The following EML6 variants were observed in gnomAD, a reference collection of about 807,000 sequenced individuals.
EML6 encodes the protein EMAP like 6.
A neutral mutation model predicts 240.1 loss-of-function variants in EML6; 154 were observed. The observed-to-expected ratio is 0.64, with a 90% CI of 0.56 to 0.73. The LOEUF is 0.73. Ranked by LOEUF, EML6 falls within the 30% of genes least tolerant of loss-of-function variation. EML6 has a pLI of 0.00. For synonymous variants in EML6, 1,148 were observed against 899.0 expected (o/e 1.28, Z -4.95); for missense variants, 2,964 against 2,474.6 (o/e 1.20, Z -4.20).
chr2:54,836,738 C>G (rs1041104237), intron 7 of EML6, among the ~76,000 whole-genome samples: 5 of 152,190 alleles, frequency 3.3e-5, no homozygotes, highest in African/African-American at 7.2e-5. Context: ...TGGTTGCATG[C>G]TTTGCTGTCA....
At chr2:54,957,372 A>AT (rs1291419204) in intron 32 of EML6, among the ~76,000 whole-genome samples, 6 of 134,230 alleles carry the variant, frequency 4.5e-5, no homozygotes, top group Admixed American at 7.4e-5. Context: ...AAAAAAAAAA[A>AT]GCTCTCTAGA....
intron 2 of EML6, among the ~76,000 whole-genome samples, chr2:54,798,257 C>T (rs1669927832): frequency 6.6e-6 from 1 of 152,182 alleles, no homozygotes; most frequent in African/African-American, 2.4e-5. Flanking sequence ...ACTGCAACCT[C>T]TGCCTCCCGG....
intron 34 of EML6, among the ~76,000 whole-genome samples, chr2:54,959,478 T>C (rs972974333): frequency 1.3e-5 from 2 of 152,166 alleles, no homozygotes; most frequent in African/African-American, 4.8e-5. Context: ...TTTAAAAACC[T>C]GAGAGAGGCA....
chr2:54,853,071 T>TG, intron 10 of EML6, among the ~76,000 whole-genome samples: 1 of 152,332 alleles, frequency 6.6e-6, no homozygotes, highest in Non-Finnish European at 1.5e-5. Flanking sequence ...TAATATTCAC[T>TG]AATTTTTTTT....
At position 54,944,011 on chromosome 2, in the gene EML6, T is replaced by C. The variant is rs541727880; in HGVS notation, c.4005-4871T>C. ...TCTTGGCCCTTCTGGTGCCTCCCTC[T>C]CTCTTCTCAGTGTCTCACCTCTGCT... On this transcript the variant is annotated intron_variant, in intron 28 of 41. Coordinates refer to ENST00000356458, the MANE Select transcript of EML6 (RefSeq NM_001039753.4). Among the ~76,000 whole-genome samples, 4 of 152,248 alleles carry C rather than the reference T, an allele frequency of 2.6e-5. No individual in the cohort carries two copies. In the South Asian group the frequency reaches 8.3e-4, roughly 32 times the overall value.
intron 21 of EML6, among the ~76,000 whole-genome samples, chr2:54,897,010 C>G (rs1275376762): frequency 6.6e-6 from 1 of 152,158 alleles, no homozygotes; most frequent in Non-Finnish European, 1.5e-5. Flanking sequence ...TCCAGCTGTT[C>G]TTGCTTTTGT....
intron 12 of EML6, among the ~76,000 whole-genome samples, chr2:54,862,043 C>G (rs928317379): frequency 6.6e-6 from 1 of 151,930 alleles, no homozygotes; most frequent in African/African-American, 2.4e-5. Flanking sequence ...GAAATACTTT[C>G]TCTGAGGATT....
intron 7 of EML6, among the ~76,000 whole-genome samples, chr2:54,838,222 C>T (rs1036068496): frequency 1.3e-5 from 2 of 152,232 alleles, no homozygotes; most frequent in African/African-American, 2.4e-5. Flanking sequence ...ACCACACATA[C>T]AGCAAGTTGT....
chr2:54,797,166 A>AAAAAAAAAAAAAAAACAAAAAAC (rs1558556878), intron 2 of EML6, among the ~76,000 whole-genome samples: 9 of 100,400 alleles, frequency 9.0e-5, no homozygotes, highest in Non-Finnish European at 2.1e-4. Context: ...CTCCATCTCA[A>AAAAAAAAAAAAAAAACAAAAAAC]AAAAAAAAAA....
intron 2 of EML6, among the ~76,000 whole-genome samples, chr2:54,741,640 C>G (rs1285733125): frequency 6.6e-6 from 1 of 152,132 alleles, no homozygotes; most frequent in African/African-American, 2.4e-5. Context: ...CAAGATACAT[C>G]TGGAATATCT....
At chr2:54,831,938 C>T (rs1053774250) in intron 7 of EML6, among the ~76,000 whole-genome samples, 2 of 152,168 alleles carry the variant, frequency 1.3e-5, no homozygotes, top group African/African-American at 4.8e-5. Flanking sequence ...TTACTTTAAA[C>T]TGATTAATAT....
intron 26 of EML6, among the ~76,000 whole-genome samples, chr2:54,917,744 T>C (rs1032136548): frequency 3.3e-5 from 5 of 152,234 alleles, no homozygotes; most frequent in Non-Finnish European, 5.9e-5. Flanking sequence ...TGTAGTAAGA[T>C]CACATTTGAC....
chr2:54,754,982 G>A (rs1010123047), intron 2 of EML6, among the ~76,000 whole-genome samples: 1 of 152,106 alleles, frequency 6.6e-6, no homozygotes, highest in South Asian at 2.1e-4. Context: ...GTAGCTAGTG[G>A]TTACCACAAT....
At chr2:54,886,160 CTTTTTTTTTTT>C (rs869107962) in intron 17 of EML6, among the ~76,000 whole-genome samples, 2 of 82,216 alleles carry the variant, frequency 2.4e-5, no homozygotes, top group Non-Finnish European at 4.8e-5. Context: ...TTTTAACCTT[CTTTTTTTTTTT>C]TTTTTTTTTC....
At chr2:54,849,887 T>C in intron 9 of EML6, 75 bp from the exon 10 acceptor site, 1 of 1,221,932 alleles carries the variant, frequency 8.2e-7, no homozygotes, top group Non-Finnish European at 1.1e-6. Context: ...CTTCTTTTTC[T>C]GACACATATA....
chr2:54,957,658 G>C, intron 32 of EML6, 132 bp from the exon 33 acceptor site: 2 of 765,180 alleles, frequency 2.6e-6, no homozygotes, highest in Non-Finnish European at 4.3e-6. Context: ...GTGTCTGAAG[G>C]GGAGAGAGTG....
At chr2:54,821,180 C>G (rs1158824111) in intron 5 of EML6, among the ~76,000 whole-genome samples, 3 of 152,206 alleles carry the variant, frequency 2.0e-5, no homozygotes, top group Admixed American at 6.5e-5. Flanking sequence ...TGCATGGATT[C>G]TGTACAAAAA....
chr2:54,919,414 C>G (rs996578128), intron 26 of EML6, among the ~76,000 whole-genome samples: 43 of 152,156 alleles, frequency 2.8e-4, no homozygotes, highest in Admixed American at 1.2e-3. Flanking sequence ...ACTTTGGTTA[C>G]TTTGGACACT....
intron 7 of EML6, among the ~76,000 whole-genome samples, chr2:54,832,986 A>T (rs142915264): frequency 2.0e-5 from 3 of 152,304 alleles, no homozygotes; most frequent in African/African-American, 7.2e-5. Flanking sequence ...TATTTGTGAA[A>T]CAGCGACACT....
Sources: gnomAD v4.1 joint callset for allele counts (sites outside exome capture counted in the v4.1 genomes callset) on GRCh38, gnomAD v4.1.1 for gene constraint, MANE v1.5 for transcripts, NCBI Gene and HGNC (gene_info 2026-07-23, HGNC 2026-07-21) for gene names.